IRAG2: variants seen among roughly 807,000 people sequenced by gnomAD.
IRAG2 encodes inositol 1,4,5-triphosphate receptor associated 2, also known as lymphoid restricted membrane protein.
In IRAG2, 45 loss-of-function variants were observed where a neutral mutation model predicts 69.9. That is an observed-to-expected ratio of 0.64 (90% confidence interval 0.51 to 0.83). The LOEUF (loss-of-function observed/expected upper bound fraction) is 0.83, where lower values mean the gene tolerates loss of function less well. Among genes scored for constraint, IRAG2 ranks in the 40% least tolerant of loss-of-function variants. The pLI is 0.00. For synonymous variants in IRAG2, 193 were observed against 202.4 expected (o/e 0.95, Z 0.40); for missense variants, 520 against 587.0 (o/e 0.89, Z 1.18).
At chr12:25,003,418 A>AC (rs1944407111), upstream of IRAG2, among the ~76,000 whole-genome samples, 2 of 151,956 alleles carry the variant, frequency 1.3e-5, no homozygotes, top group East Asian at 3.9e-4. Flanking sequence ...TGACACCTTC[A>AC]TGGCTCACTG....
At chr12:25,053,280 A>G (rs1944973196) in intron 1 of IRAG2, among the ~76,000 whole-genome samples, 1 of 150,780 alleles carries the variant, frequency 6.6e-6, no homozygotes, top group South Asian at 2.1e-4. Flanking sequence ...TGCATGGTAT[A>G]TTTGAACTTG....
At chr12:25,053,008 G>A in intron 1 of IRAG2, 52 bp downstream of exon 1, 1 of 398,212 alleles carries the variant, frequency 2.5e-6, no homozygotes, top group Non-Finnish European at 4.4e-6. Context: ...CCTCAGGCGG[G>A]GCATAGGACT....
intron 6 of IRAG2, among the ~76,000 whole-genome samples, chr12:25,069,933 TAATGCTAAATGACCTGAGAAGGTCAC>T (rs549030837): frequency 7.9e-5 from 12 of 152,248 alleles, no homozygotes; most frequent in African/African-American, 2.9e-4. Context: ...AAGAAGAGAA[TAATGCTAAATGACCTGAGAAGGTCAC>T]TTAGGTCACT....
At chr12:25,102,012 C>T (rs1004926427) in intron 16 of IRAG2, 186 bp from the exon 17 acceptor site, 8 of 691,528 alleles carry the variant, frequency 1.2e-5, no homozygotes, top group Middle Eastern at 2.3e-4. Context: ...GACTGTATTC[C>T]ATTGGTTAAG....
chr12:25,012,062 G>C (rs1248135776), intron 3 of IRAG2, among the ~76,000 whole-genome samples: 1 of 151,174 alleles, frequency 6.6e-6, no homozygotes, highest in Admixed American at 6.6e-5. Flanking sequence ...AAAAGGTAAA[G>C]GAGGAGAAGG....
chr12:25,090,031 T>G, intron 13 of IRAG2, 26 bp from the exon 14 acceptor site: 1 of 1,610,368 alleles, frequency 6.2e-7, no homozygotes, highest in Non-Finnish European at 8.5e-7. Flanking sequence ...CTCCTCTTCC[T>G]CACCCTCACA....
chr12:25,024,207 G>T, intron 8 of IRAG2, among the ~76,000 whole-genome samples: 1 of 152,316 alleles, frequency 6.6e-6, no homozygotes, highest in South Asian at 2.1e-4. Flanking sequence ...AAGAAGGAAA[G>T]TATGGATGTT....
At chr12:25,079,619 G>A in intron 8 of IRAG2, 37 bp from the exon 9 acceptor site, 1 of 1,323,220 alleles carries the variant, frequency 7.6e-7, no homozygotes, top group Non-Finnish European at 1.1e-6. Flanking sequence ...AATATTATGT[G>A]CATAGTATTC....
rs751405149 is a variant in IRAG2 at position 25,089,769 on chromosome 12, T to A, written c.444T>A (p.Ser148=). ...SVNLRQSENT[S]ANEKEVEAEF... The stretch of plus-strand genomic sequence containing the variant: ...TTTTTGTCTTATCCTACAGCACTTC[T>A]GCTAATGAGAAGGAGGTGGAGGTGA... The change falls in exon 13 of 22, where the codon TCT becomes TCA. Residue 148 remains serine, a synonymous_variant. Transcript: ENST00000556887. The A allele has an allele frequency of 6.2e-7, 1 of 1,613,394 alleles. No individual in the cohort carries two copies. The highest frequency in any genetic ancestry group is 8.5e-7 in the Non-Finnish European group (1 of 1,179,996).
chr12:25,053,470 C>G (rs2139892707), intron 1 of IRAG2, among the ~76,000 whole-genome samples: 1 of 152,038 alleles, frequency 6.6e-6, no homozygotes, highest in African/African-American at 2.4e-5. Flanking sequence ...TTAATGCATT[C>G]TCTACATACA....
chr12:25,069,684 G>C (rs1257125585), intron 6 of IRAG2, among the ~76,000 whole-genome samples: 2 of 152,192 alleles, frequency 1.3e-5, no homozygotes, highest in East Asian at 3.9e-4. Flanking sequence ...GAACCAAAAA[G>C]AGATTTCAAT....
At chr12:25,018,126 A>G (rs1944546580) in intron 6 of IRAG2, among the ~76,000 whole-genome samples, 1 of 150,410 alleles carries the variant, frequency 6.6e-6, no homozygotes, top group Admixed American at 6.6e-5. Flanking sequence ...CTCTTTGGCT[A>G]TTAGGAATAA....
Position 25,063,597 on chromosome 12 carries a change from A to T in IRAG2, c.-303-123A>T, listed in dbSNP as rs924305787. 4 of 396,876 alleles carry T rather than the reference A, an allele frequency of 1.0e-5. No homozygotes were observed. The East Asian group carries it at 1.4e-4, about 14-fold the overall frequency. 24.6% of individuals were successfully genotyped at this position (396,876 alleles called of 1,614,324 possible). The stretch of plus-strand genomic sequence containing the variant: ...CTTGACAGAATTTATTTTCTTCTTG[A>T]TCTCTCTCACAGGGTCACTTGAGAC... On this transcript the variant is annotated intron_variant, in intron 3 of 21. Coordinates refer to ENST00000556887, the MANE Select transcript of IRAG2 (RefSeq NM_001366544.2).
intron 14 of IRAG2, among the ~76,000 whole-genome samples, chr12:25,091,680 C>T: frequency 6.6e-6 from 1 of 152,008 alleles, no homozygotes; most frequent in Non-Finnish European, 1.5e-5. Flanking sequence ...TTAGAAACCA[C>T]TGTACTGTTT....
At chr12:25,089,706 C>T (rs746040933) in intron 12 of IRAG2, 29 bp downstream of exon 12, 1 of 1,608,956 alleles carries the variant, frequency 6.2e-7, no homozygotes, top group Non-Finnish European at 8.5e-7. Flanking sequence ...AGCATGTTAA[C>T]ATGTTTTATT....
At chr12:25,105,931 A>ACTAGGAACTCAT (rs915453071) in intron 20 of IRAG2, among the ~76,000 whole-genome samples, 9 of 152,212 alleles carry the variant, frequency 5.9e-5, no homozygotes, top group African/African-American at 1.7e-4. Context: ...TTCAAATCCA[A>ACTAGGAACTCAT]CTAGGAACTC....
chr12:25,099,236 C>A (rs1438235194), intron 15 of IRAG2, among the ~76,000 whole-genome samples: 1 of 152,152 alleles, frequency 6.6e-6, no homozygotes, highest in Admixed American at 6.5e-5. Flanking sequence ...TTGATAAACT[C>A]AAACCTACCA....
At chr12:25,041,806 C>T (rs1163493825) in intron 16 of IRAG2, among the ~76,000 whole-genome samples, 1 of 151,060 alleles carries the variant, frequency 6.6e-6, no homozygotes, top group African/African-American at 2.4e-5. Context: ...AGCACCAAGC[C>T]AGAGAAGAGG....
At chr12:25,075,249 C>T (rs1237371513) in intron 6 of IRAG2, among the ~76,000 whole-genome samples, 1 of 152,106 alleles carries the variant, frequency 6.6e-6, no homozygotes, top group Non-Finnish European at 1.5e-5. Flanking sequence ...GTCTAATAGA[C>T]TCTTTGTTAA....
Sources: allele counts gnomAD v4.1 joint callset (sites outside exome capture counted in the v4.1 genomes callset), GRCh38; gene constraint gnomAD v4.1.1; transcripts MANE v1.5; gene names NCBI Gene and HGNC (gene_info 2026-07-23, HGNC 2026-07-21).